ZFHX3: variants seen among roughly 807,000 people sequenced by gnomAD.
ZFHX3 encodes the protein zinc finger homeobox protein 3.
In ZFHX3, 42 loss-of-function variants were observed where a neutral mutation model predicts 279.1. That is an observed-to-expected ratio of 0.15 (90% CI 0.12 to 0.19). The LOEUF (loss-of-function observed/expected upper bound fraction) is 0.19, where lower values mean the gene tolerates loss of function less well. ZFHX3 is among the 10% of genes least tolerant of loss of function. The pLI is 1.00. For missense variants in ZFHX3, 4,981 were observed against 4,754.0 expected (o/e 1.05, Z -1.40); for synonymous variants, 2,293 against 1,957.8 (o/e 1.17, Z -4.52).
intron 6 of ZFHX3, among the ~76,000 whole-genome samples, chr16:73,140,192 T>C (rs910945678): frequency 3.3e-5 from 5 of 151,596 alleles, no homozygotes; most frequent in Admixed American, 6.6e-5. Context: ...TTGCTTAAGT[T>C]TGAGGCTGCA....
intron 1 of ZFHX3, among the ~76,000 whole-genome samples, chr16:73,854,639 C>A (rs758345635): frequency 1.4e-5 from 2 of 141,666 alleles, no homozygotes; most frequent in Non-Finnish European, 3.0e-5. Flanking sequence ...TTGATATTTT[C>A]TCTGGTTAAA....
chr16:73,089,769 G>C (rs189359753), intron 8 of ZFHX3, among the ~76,000 whole-genome samples: 89 of 152,310 alleles, frequency 5.8e-4, no homozygotes, highest in African/African-American at 2.1e-3. Context: ...ACTAATGATC[G>C]TCAAGCCTTT....
chr16:73,154,989 C>A (rs528589843), intron 5 of ZFHX3, among the ~76,000 whole-genome samples: 1 of 151,758 alleles, frequency 6.6e-6, no homozygotes, highest in East Asian at 2.0e-4. Flanking sequence ...GCCTGGCCAA[C>A]AAGGCGAAAC....
chr16:72,928,357 T>C (rs1179149424), intron 3 of ZFHX3, among the ~76,000 whole-genome samples: 1 of 151,888 alleles, frequency 6.6e-6, no homozygotes, highest in African/African-American at 2.4e-5. Context: ...AAAGTTGCTG[T>C]TGTACCCCTG....
At chr16:73,634,399 C>T (rs2052507641) in intron 2 of ZFHX3, among the ~76,000 whole-genome samples, 1 of 145,608 alleles carries the variant, frequency 6.9e-6, no homozygotes, top group Admixed American at 6.9e-5. Context: ...AATATATAGT[C>T]ACGGAGAAGG....
chr16:73,668,266 A>G (rs1263751460), intron 2 of ZFHX3, among the ~76,000 whole-genome samples: 1 of 152,200 alleles, frequency 6.6e-6, no homozygotes, highest in African/African-American at 2.4e-5. Context: ...CTACCTAGAC[A>G]GTAAATGCAC....
chr16:72,788,159 C>T lies in ZFHX3; in HGVS notation c.10117G>A (p.Glu3373Lys), dbSNP rs1445731408. 1.2e-6 allele frequency: 2 copies of T among 1,612,076 alleles called. No individual in the cohort carries two copies. Among genetic ancestry groups the T allele is most frequent in the Non-Finnish European group, 1.7e-6 (2 of 1,179,402 alleles). The change falls in exon 10 of 10, where the codon GAG becomes AAG. Residue 3373 changes from glutamate to lysine, a missense_variant. Coordinates refer to ENST00000268489, the MANE Select transcript of ZFHX3 (RefSeq NM_006885.4). ...CGCTGCTGCTGCTGCTGAATTGCCT[C>T]CTGCAGACTCTGCTGGTATTGCTGG... is the stretch of plus-strand genomic sequence containing the variant. Reference protein sequence around the residue: ...QYQQYQQSLQEAIQQQQQRQL... With the variant: ...QYQQYQQSLQKAIQQQQQRQL...
chr16:73,800,598 T>A (rs905666313), intron 1 of ZFHX3, among the ~76,000 whole-genome samples: 1 of 152,106 alleles, frequency 6.6e-6, no homozygotes, highest in Non-Finnish European at 1.5e-5. Context: ...CTGAAGCTTG[T>A]CCATAAATTC....
chr16:73,396,447 A>G (rs535275920), intron 3 of ZFHX3, among the ~76,000 whole-genome samples: 2 of 152,094 alleles, frequency 1.3e-5, no homozygotes, highest in East Asian at 1.9e-4. Flanking sequence ...TCATTCATTC[A>G]ACACATACTA....
intron 2 of ZFHX3, among the ~76,000 whole-genome samples, chr16:73,590,139 C>T (rs1039369054): frequency 1.1e-4 from 16 of 152,224 alleles, no homozygotes; most frequent in East Asian, 3.9e-4. Context: ...GTAGAGGTGA[C>T]GTAGGTGAGT....
intron 1 of ZFHX3, among the ~76,000 whole-genome samples, chr16:73,019,157 C>T (rs759732092): frequency 1.3e-4 from 20 of 152,298 alleles, no homozygotes; most frequent in Non-Finnish European, 1.9e-4. Flanking sequence ...GCTATCACTA[C>T]GAGGCAAGGA....
intron 2 of ZFHX3, among the ~76,000 whole-genome samples, chr16:73,665,831 TTTTA>T (rs2052834139): frequency 6.9e-6 from 1 of 145,698 alleles, no homozygotes; most frequent in Non-Finnish European, 1.5e-5. Flanking sequence ...TTTTTTTTTT[TTTTA>T]AGGCAGAGTC....
rs1043248537 is a variant in ZFHX3 at position 73,047,913 on chromosome 16, G to C, written c.-211C>G. The C allele has an allele frequency of 2.0e-5, 3 of 152,290 alleles. No individual in the cohort carries two copies. Among genetic ancestry groups the C allele is most frequent in the African/African-American group, 4.8e-5 (2 of 41,450 alleles). The allele number at this position is 152,290 out of a possible 1,614,324, so 9.4% of individuals were successfully genotyped here. A position where few individuals can be genotyped will look rare whatever the true frequency, so the allele number is the denominator to read the frequency against. On this transcript the variant is annotated 5_prime_UTR_variant, in exon 1 of 10. Coordinates refer to ENST00000268489, the MANE Select transcript of ZFHX3 (RefSeq NM_006885.4). Reference sequence around the variant, plus strand: ...CCACCTCCCGCTGGCCCCAGGACTCGGAGGTGGCTCTGGTCAGGAGCAGGG... The same window carrying C: ...CCACCTCCCGCTGGCCCCAGGACTCCGAGGTGGCTCTGGTCAGGAGCAGGG...
At position 73,453,093 on chromosome 16, in the gene ZFHX3, C is replaced by T. The variant is rs77339989; in HGVS notation, c.-1291+2910G>A. On this transcript the variant is annotated intron_variant, in intron 3 of 17. Coordinates refer to the ZFHX3 transcript ENST00000641206. ...TGTCTTTCATGCTAAATTATAAACT[C>T]TAAGAGGACAGTCCCACATCTGAGT... 9.4e-3 allele frequency among the ~76,000 whole-genome samples: 1,176 copies of T among 125,752 alleles called. 4 individuals are homozygous for T. The highest frequency in any genetic ancestry group is 0.013 in the Non-Finnish European group (826 of 63,492). 82.5% of individuals were successfully genotyped at this position (125,752 alleles called of 152,430 possible).
At chr16:73,275,972 G>A (rs189090233) in intron 4 of ZFHX3, among the ~76,000 whole-genome samples, 328 of 151,630 alleles carry the variant, frequency 2.2e-3, no homozygotes, top group African/African-American at 7.6e-3. Flanking sequence ...AGTTAGGGGC[G>A]GTCAAGAGTG....
chr16:73,212,407 G>GTGTA (rs1282390900), intron 5 of ZFHX3, among the ~76,000 whole-genome samples: 4 of 152,188 alleles, frequency 2.6e-5, no homozygotes, highest in African/African-American at 9.7e-5. Flanking sequence ...TATAAAGGCT[G>GTGTA]TGTAGTATGT....
At chr16:73,872,269 T>C (rs2029863916) in intron 1 of ZFHX3, among the ~76,000 whole-genome samples, 2 of 151,452 alleles carry the variant, frequency 1.3e-5, no homozygotes, top group South Asian at 4.2e-4. Flanking sequence ...TTTGAGACAG[T>C]CTCATTTTGT....
chr16:73,261,108 G>T (rs959059201), intron 4 of ZFHX3, among the ~76,000 whole-genome samples: 1 of 152,148 alleles, frequency 6.6e-6, no homozygotes, highest in Non-Finnish European at 1.5e-5. Context: ...GATAGCAAAA[G>T]ATTAGACATA....
At chr16:73,386,163 G>A (rs8063875) in intron 3 of ZFHX3, among the ~76,000 whole-genome samples, 17 of 151,380 alleles carry the variant, frequency 1.1e-4, no homozygotes, top group Middle Eastern at 3.2e-3. Context: ...GCTCACTCTC[G>A]CTCTCTTTCT....
Sources: gnomAD v4.1 joint callset for allele counts (sites outside exome capture counted in the v4.1 genomes callset) on GRCh38, gnomAD v4.1.1 for gene constraint, MANE v1.5 for transcripts, NCBI Gene and HGNC (gene_info 2026-07-23, HGNC 2026-07-21) for gene names.